SHLD1: variants seen among roughly 807,000 people sequenced by gnomAD.
The protein encoded by SHLD1 is RINN1-REV7-interacting novel NHEJ regulator 3.
In SHLD1, 3 loss-of-function variants were observed where a neutral mutation model predicts 5.5. The observed-to-expected ratio is 0.54, with a 90% CI of 0.25 to 1.40. The LOEUF is 1.40. SHLD1 is among the 40% of genes most tolerant of loss of function. The pLI, the probability that SHLD1 is intolerant of heterozygous loss-of-function variation, is 0.15. For synonymous variants in SHLD1, 92 were observed against 94.3 expected, an observed-to-expected ratio of 0.98 and a Z score of 0.14; for missense variants, 210 against 244.4, an observed-to-expected ratio of 0.86 and a Z score of 0.94.
At chr20:5,810,573 A>G (rs540342806) in intron 2 of SHLD1, among the ~76,000 whole-genome samples, 1 of 152,084 alleles carries the variant, frequency 6.6e-6, no homozygotes, top group East Asian at 1.9e-4. Context: ...TGTTCCATTG[A>G]TTCTTTCTAT....
intron 2 of SHLD1, among the ~76,000 whole-genome samples, chr20:5,823,716 G>A (rs2087634284): frequency 6.6e-6 from 1 of 152,012 alleles, no homozygotes; most frequent in Admixed American, 6.6e-5. Context: ...CCACACTGTT[G>A]GGATTACAGG....
chr20:5,840,124 G>T (rs1329150510), intron 2 of SHLD1, among the ~76,000 whole-genome samples: 1 of 152,192 alleles, frequency 6.6e-6, no homozygotes, highest in Non-Finnish European at 1.5e-5. Context: ...GAGCTTGCCT[G>T]TTCACCATAT....
intron 2 of SHLD1, among the ~76,000 whole-genome samples, chr20:5,830,772 T>C (rs1217392052): frequency 2.7e-5 from 4 of 150,812 alleles, no homozygotes; most frequent in African/African-American, 7.3e-5. Flanking sequence ...CAAAAGGAGG[T>C]CTTCTGGGGT....
chr20:5,857,735 G>A (rs1468154919), intron 2 of SHLD1, among the ~76,000 whole-genome samples: 2 of 151,860 alleles, frequency 1.3e-5, no homozygotes, highest in Non-Finnish European at 2.9e-5. Flanking sequence ...CCTGAGCCCA[G>A]AAGGTGGGCT....
chr20:5,773,336 G>T, intron 2 of SHLD1: 1 of 589,102 alleles, frequency 1.7e-6, no homozygotes, highest in Non-Finnish European at 3.0e-6. Flanking sequence ...GGAATATTTG[G>T]TTCAACAAAG....
intron 1 of SHLD1, among the ~76,000 whole-genome samples, chr20:5,762,789 A>G (rs920171538): frequency 2.6e-5 from 4 of 151,968 alleles, no homozygotes; most frequent in Non-Finnish European, 5.9e-5. Context: ...CCTGGCCAAC[A>G]TGGTGAAACT....
chr20:5,773,848 T>G (rs576096521), intron 2 of SHLD1, among the ~76,000 whole-genome samples: 39 of 152,240 alleles, frequency 2.6e-4, no homozygotes, highest in African/African-American at 8.7e-4. Flanking sequence ...ACCTGTAAGA[T>G]ACTTAGCATG....
intron 1 of SHLD1, among the ~76,000 whole-genome samples, chr20:5,771,730 G>A (rs187371753): frequency 2.6e-4 from 40 of 151,588 alleles, no homozygotes; most frequent in South Asian, 2.1e-4. Flanking sequence ...AGTTTGAGGT[G>A]TGTCAGCAAG....
intron 2 of SHLD1, among the ~76,000 whole-genome samples, chr20:5,852,454 C>G (rs1032910796): frequency 1.4e-5 from 2 of 146,954 alleles, no homozygotes; most frequent in Non-Finnish European, 1.5e-5. Context: ...CTCTCTCTCT[C>G]TCTGTCTTTC....
chr20:5,767,621 C>G (rs1984915286), intron 1 of SHLD1, among the ~76,000 whole-genome samples: 1 of 152,310 alleles, frequency 6.6e-6, no homozygotes, highest in Non-Finnish European at 1.5e-5. Flanking sequence ...TTAAGTGCGA[C>G]AAGTCCACCT....
chr20:5,843,834 G>A (rs1187741381), intron 2 of SHLD1, among the ~76,000 whole-genome samples: 4 of 152,146 alleles, frequency 2.6e-5, no homozygotes, highest in South Asian at 2.1e-4. Context: ...GTATCCTCGC[G>A]AAGGTGGAAA....
intron 2 of SHLD1, among the ~76,000 whole-genome samples, chr20:5,783,604 G>A (rs559989856): frequency 6.6e-6 from 1 of 152,324 alleles, no homozygotes; most frequent in African/African-American, 2.4e-5. Context: ...TTTGCATGCT[G>A]CTGTTAGAAG....
rs1186605493 is a variant in SHLD1 at position 5,864,296 on chromosome 20, C to A, written c.*833C>A. Among the ~76,000 whole-genome samples, 1 of 152,186 alleles carries A rather than the reference C, an allele frequency of 6.6e-6. No homozygotes were observed. The highest frequency in any genetic ancestry group is 1.9e-4 in the East Asian group (1 of 5,190). On this transcript the variant is annotated 3_prime_UTR_variant, in exon 3 of 3. Transcript: ENST00000303142. ...AGGTGAGAAGGTAACAAATGTGCAC[C>A]ACCCACCACAGTATATGTAAGCACA...
At chr20:5,853,964 C>T (rs967158582) in intron 2 of SHLD1, among the ~76,000 whole-genome samples, 25 of 151,990 alleles carry the variant, frequency 1.6e-4, no homozygotes, top group South Asian at 8.3e-4. Context: ...CTTAGCCTCC[C>T]GAGTAGCTGG....
At chr20:5,844,799 A>ATATATTTTTT (rs1460082835) in intron 2 of SHLD1, among the ~76,000 whole-genome samples, 2 of 71,692 alleles carry the variant, frequency 2.8e-5, no homozygotes, top group East Asian at 3.7e-4. Context: ...ATATATATAT[A>ATATATTTTTT]TTTTTTTTTT....
chr20:5,820,096 T>C (rs1287066), intron 2 of SHLD1, among the ~76,000 whole-genome samples: 91,846 of 152,100 alleles, frequency 0.6, 29,569 homozygotes, highest in Non-Finnish European at 0.73. Flanking sequence ...TACAGGCGTG[T>C]GCCACCATGC....
intron 2 of SHLD1, among the ~76,000 whole-genome samples, chr20:5,851,556 A>G (rs1291647063): frequency 3.3e-5 from 5 of 151,936 alleles, no homozygotes; most frequent in Admixed American, 2.6e-4. Flanking sequence ...ATATTATGTG[A>G]GTAACATAGG....
At chr20:5,852,436 C>A (rs961523074) in intron 2 of SHLD1, among the ~76,000 whole-genome samples, 1 of 151,544 alleles carries the variant, frequency 6.6e-6, no homozygotes, top group African/African-American at 2.4e-5. Flanking sequence ...TTCCTTCCTT[C>A]CTTCCTTCTC....
chr20:5,773,179 C>A, intron 2 of SHLD1, 136 bp downstream of exon 2: 1 of 986,488 alleles, frequency 1.0e-6, no homozygotes, highest in Non-Finnish European at 1.6e-6. Context: ...AACATCTTAC[C>A]TAAGCAAAGC....
Sources: gnomAD v4.1 joint callset for allele counts (sites outside exome capture counted in the v4.1 genomes callset) on GRCh38, gnomAD v4.1.1 for gene constraint, MANE v1.5 for transcripts, NCBI Gene and HGNC (gene_info 2026-07-23, HGNC 2026-07-21) for gene names.